FN1: variants seen among roughly 807,000 people sequenced by gnomAD.
FN1 encodes the protein fibronectin.
Under a neutral mutation model 297.3 loss-of-function variants are expected in FN1, and 106 were observed. The observed-to-expected ratio is 0.36, with a 90% CI of 0.30 to 0.42. FN1 has a LOEUF of 0.42. FN1 is among the 10% of genes least tolerant of loss of function. The pLI is 1.00. For synonymous variants in FN1, 1,149 were observed against 1,152.6 expected, an observed-to-expected ratio of 1.00 and a Z score of 0.06; for missense variants, 2,690 against 3,124.9, an observed-to-expected ratio of 0.86 and a Z score of 3.32.
At chr2:215,407,417 T>A in intron 17 of FN1, 96 bp from the exon 18 acceptor site, 1 of 1,027,770 alleles carries the variant, frequency 9.7e-7, no homozygotes, top group Non-Finnish European at 1.5e-6. Context: ...TCCCTTAGCA[T>A]CTTGCTTGAT....
At chr2:215,374,494 TGTAA>T (rs572352085) in intron 38 of FN1, among the ~76,000 whole-genome samples, 345 of 152,332 alleles carry the variant, frequency 2.3e-3, no homozygotes, top group African/African-American at 7.6e-3. Context: ...CTGATAGTTT[TGTAA>T]GTATCTGGAA....
At chr2:215,379,014 T>C (rs1164059794) in intron 34 of FN1, 116 bp downstream of exon 34, 2 of 978,430 alleles carry the variant, frequency 2.0e-6, no homozygotes, top group South Asian at 2.8e-5. Flanking sequence ...ATAAGATTAT[T>C]TGATGCAGAG....
chr2:215,372,277 G>A lies in FN1; in HGVS notation c.6346C>T (p.His2116Tyr), dbSNP rs776998768. Reference sequence around the variant, plus strand: ...CCATTTCCAGTGTCATACCCAGGGTGGGTGACGAAAGGGGTCTTTTGAACT... The same window carrying A: ...CCATTTCCAGTGTCATACCCAGGGTAGGTGACGAAAGGGGTCTTTTGAACT... Reference protein sequence around the residue: ...STVQKTPFVTHPGYDTGNGIQ... With the variant: ...STVQKTPFVTYPGYDTGNGIQ... Residue 2116 changes from histidine (H) to tyrosine (Y), a missense_variant, in exon 40 of 46, where the codon CAC (histidine) becomes TAC (tyrosine). Physicochemically the swap from His to Tyr is moderately conservative, Grantham distance 83. Transcript: ENST00000354785. 2.5e-6 allele frequency: 4 copies of A among 1,614,202 alleles called. No homozygotes were observed. The Admixed American group carries it at 6.7e-5, about 27-fold the overall frequency.
chr2:215,399,862 C>T (rs1453822195), intron 20 of FN1, among the ~76,000 whole-genome samples: 1 of 152,086 alleles, frequency 6.6e-6, no homozygotes, highest in East Asian at 1.9e-4. Context: ...AATTTAAGAA[C>T]AATGGTAAAT....
Position 215,376,556 on chromosome 2 carries a change from A to G in FN1, c.5829T>C (p.Asn1943=), listed in dbSNP as rs2057322375. The change falls in exon 36 of 46, where the codon AAT becomes AAC. Residue 1943 remains asparagine, a synonymous_variant. Transcript: ENST00000354785. The part of the protein sequence containing the change: ...TGFQVDAVPA[N]GQTPIQRTIK... Reference sequence around the variant, plus strand: ...TGGTTCTCTGGATTGGAGTCTGGCCATTGGCTGGAACGGCATCAACTTGGA... The same window carrying G: ...TGGTTCTCTGGATTGGAGTCTGGCCGTTGGCTGGAACGGCATCAACTTGGA... 1 of 1,613,812 alleles carries G rather than the reference A, an allele frequency of 6.2e-7. No individual in the cohort carries two copies. Among genetic ancestry groups the G allele is most frequent in the Non-Finnish European group, 8.5e-7 (1 of 1,180,008 alleles).
chr2:215,390,525 G>A (rs1339192335), intron 26 of FN1, among the ~76,000 whole-genome samples: 2 of 152,132 alleles, frequency 1.3e-5, no homozygotes. Context: ...ACTTTGCTAG[G>A]AGGGAGAGGG....
At chr2:215,362,753 G>T in intron 44 of FN1, 1 of 153,976 alleles carries the variant, frequency 6.5e-6, no homozygotes, top group Non-Finnish European at 1.4e-5. Flanking sequence ...GGAAATGGGA[G>T]GACACACATG....
chr2:215,420,195 T>C (rs1311255849), intron 11 of FN1, among the ~76,000 whole-genome samples: 3 of 152,054 alleles, frequency 2.0e-5, no homozygotes, highest in Non-Finnish European at 4.4e-5. Context: ...CAAAATTAGC[T>C]GGGCCTGGTG....
At chr2:215,399,157 C>A (rs2060669081) in intron 21 of FN1, 100 bp downstream of exon 21, 3 of 863,700 alleles carry the variant, frequency 3.5e-6, no homozygotes, top group African/African-American at 1.6e-5. Context: ...GGTGACAAAA[C>A]CCAGGTCTCC....
At chr2:215,393,387 T>C (rs1559442708) in intron 24 of FN1, 184 bp from the exon 25 acceptor site, 1 of 523,412 alleles carries the variant, frequency 1.9e-6, no homozygotes, top group Non-Finnish European at 3.4e-6. Context: ...CATGAACAGT[T>C]TGCTTCCCTA....
chr2:215,375,167 T>G, intron 38 of FN1, 47 bp downstream of exon 38: 3 of 1,566,970 alleles, frequency 1.9e-6, no homozygotes, highest in Non-Finnish European at 2.6e-6. Context: ...GGACTTCATG[T>G]GTCCTAGGTA....
In FN1 at chr2:215,386,886, G is replaced by A. The variant is rs2059086775; in HGVS notation, c.4415C>T (p.Pro1472Leu). The change falls in exon 28 of 46, where the codon CCT (proline) becomes CTT (leucine). Residue 1472 changes from proline (P) to leucine (L), a missense_variant. Pro to Leu is a moderately conservative substitution (Grantham distance 98, BLOSUM62 -3). Around this residue, in one of 3 missense-constraint regions of FN1, gnomAD observed 1,743 missense variants for 1,945.2 expected, o/e 0.90. Coordinates refer to ENST00000354785, the MANE Select transcript of FN1 (RefSeq NM_212482.4). ...CCTGTAGCCAGTGATGGTGGCTCGAGGAGCAATCCAGTGCACAGTAAAAGA... is the reference window on the plus strand; with the variant it reads ...CCTGTAGCCAGTGATGGTGGCTCGAAGAGCAATCCAGTGCACAGTAAAAGA... ...ANSFTVHWIA[P>L]RATITGYRIR... is the part of the protein sequence containing the mutation. 6.2e-7 allele frequency: 1 copy of A among 1,613,560 alleles called. No individual in the cohort carries two copies.
intron 33 of FN1, chr2:215,379,518 C>G: frequency 1.8e-6 from 1 of 544,624 alleles, no homozygotes. Context: ...TGTTTTATAT[C>G]CACCAATTCT....
chr2:215,410,160 C>G, intron 13 of FN1, 46 bp from the exon 14 acceptor site: 1 of 1,503,036 alleles, frequency 6.7e-7, no homozygotes, highest in Non-Finnish European at 9.1e-7. Flanking sequence ...CACGTGTTTA[C>G]AAGGATGAAC....
chr2:215,366,532 G>C (rs2054640793), intron 42 of FN1, among the ~76,000 whole-genome samples: 2 of 152,202 alleles, frequency 1.3e-5, no homozygotes, highest in African/African-American at 4.8e-5. Context: ...TGGTTCTGTG[G>C]AATATCTAAA....
chr2:215,414,920 G>T lies in FN1; in HGVS notation c.1858C>A (p.Pro620Thr). The T allele has an allele frequency of 6.2e-7, 1 of 1,613,896 alleles. No homozygotes were observed. Among genetic ancestry groups the T allele is most frequent in the Admixed American group, 1.7e-5 (1 of 60,000 alleles). Residue 620 changes from proline (P) to threonine (T), a missense_variant, in exon 13 of 46, where the codon CCG becomes ACG. This residue lies in a region of FN1 where 876 missense variants were observed against 1,058.1 expected (regional missense o/e 0.83). Transcript: ENST00000354785. ...ATGGGGTGGGAGTTGGGCTGACTCG[G>T]AGTCTCAGTGATAAATACTTCGACA... ...GPVEVFITETPSQPNSHPIQW... is the reference protein window; with the variant it reads ...GPVEVFITETTSQPNSHPIQW...
At position 215,370,368 on chromosome 2, in the gene FN1, T is replaced by A. The variant is rs752346274; in HGVS notation, c.6779A>T (p.Asn2260Ile). 5 of 1,613,546 alleles carry A rather than the reference T, an allele frequency of 3.1e-6. No individual in the cohort carries two copies. The highest frequency in any genetic ancestry group is 1.1e-5 in the South Asian group (1 of 91,052). The change falls in exon 41 of 46, where the codon AAC becomes ATC. Residue 2260 changes from asparagine (N) to isoleucine (I), a missense_variant. Asn to Ile is a moderately radical substitution (Grantham distance 149). Transcript: ENST00000354785. ...LTGLTRGATYNVIVEALKDQQ... is the reference protein window; with the variant it reads ...LTGLTRGATYIVIVEALKDQQ... ...GTCTTTCAGTGCCTCCACTATGACG[T>A]TGTAGGTGGCACCTCTGGTGAGGCC...
intron 32 of FN1, 135 bp from the exon 33 acceptor site, chr2:215,381,215 A>T: frequency 1.2e-6 from 1 of 846,420 alleles, no homozygotes; most frequent in Non-Finnish European, 2.0e-6. Flanking sequence ...AAAAGGAAAA[A>T]TCACTTAAAC....
At chr2:215,407,994 T>G in intron 17 of FN1, 114 bp downstream of exon 17, 2 of 657,450 alleles carry the variant, frequency 3.0e-6, no homozygotes, top group Non-Finnish European at 5.5e-6. Context: ...CCCTCTCCCA[T>G]AAATTATATT....
Sources: allele counts gnomAD v4.1 joint callset (sites outside exome capture counted in the v4.1 genomes callset), GRCh38; gene constraint gnomAD v4.1.1; regional missense constraint gnomAD v4.1.1; transcripts MANE v1.5; gene names NCBI Gene and HGNC (gene_info 2026-07-23, HGNC 2026-07-21).